Variants in SLC1A6 observed in about 807,000 individuals in gnomAD.
The protein encoded by SLC1A6 is excitatory amino acid transporter 4.
A neutral mutation model predicts 42.1 loss-of-function variants in SLC1A6; 15 were observed. The observed-to-expected ratio is 0.36, with a 90% CI of 0.24 to 0.55. The LOEUF (loss-of-function observed/expected upper bound fraction) is 0.55. Among genes scored for constraint, SLC1A6 ranks in the 20% least tolerant of loss-of-function variants. The pLI is 0.88. For missense variants in SLC1A6, 542 were observed against 772.5 expected, an observed-to-expected ratio of 0.70 and a Z score of 3.54; for synonymous variants, 317 against 319.7, an observed-to-expected ratio of 0.99 and a Z score of 0.09.
intron 1 of SLC1A6, among the ~76,000 whole-genome samples, chr19:14,997,544 A>G (rs1600036877): frequency 6.6e-6 from 1 of 152,138 alleles, no homozygotes; most frequent in South Asian, 2.1e-4. Flanking sequence ...GGAAACCAGG[A>G]TATTAGAAGA....
intron 7 of SLC1A6, 32 bp downstream of exon 7, chr19:14,956,444 G>A (rs907818374): frequency 7.0e-7 from 1 of 1,425,996 alleles, no homozygotes; most frequent in Non-Finnish European, 9.5e-7. Context: ...GTGCAACCAG[G>A]AATGGTGCTG....
chr19:15,001,979 C>T (rs999696128), intron 1 of SLC1A6, among the ~76,000 whole-genome samples: 9 of 151,948 alleles, frequency 5.9e-5, no homozygotes, highest in Non-Finnish European at 1.3e-4. Context: ...ACTATTAATA[C>T]CCAAATTCAC....
At chr19:15,008,572 A>G (rs1428275957) in intron 1 of SLC1A6, among the ~76,000 whole-genome samples, 2 of 152,134 alleles carry the variant, frequency 1.3e-5, no homozygotes, top group East Asian at 1.9e-4. Context: ...TACCTAAAGG[A>G]AGAGAAATCA....
At chr19:14,966,975 C>T (rs1253434441) in intron 4 of SLC1A6, among the ~76,000 whole-genome samples, 1 of 152,092 alleles carries the variant, frequency 6.6e-6, no homozygotes, top group Admixed American at 6.6e-5. Flanking sequence ...TGCAAACCAC[C>T]ATGGCGCATG....
upstream of SLC1A6, among the ~76,000 whole-genome samples, chr19:14,980,511 G>A (rs1351672024): frequency 6.6e-6 from 1 of 152,102 alleles, no homozygotes; most frequent in African/African-American, 2.4e-5. Flanking sequence ...CTCAGTGCAG[G>A]CTGGGCACGG....
At chr19:14,984,799 A>G (rs1047292841), upstream of SLC1A6, among the ~76,000 whole-genome samples, 8 of 152,252 alleles carry the variant, frequency 5.3e-5, no homozygotes, top group Non-Finnish European at 1.2e-4. Flanking sequence ...CACTGATCTC[A>G]TGGAAAGTTT....
intron 9 of SLC1A6, among the ~76,000 whole-genome samples, chr19:14,950,689 A>G (rs1420986853): frequency 6.6e-6 from 1 of 152,150 alleles, no homozygotes; most frequent in Non-Finnish European, 1.5e-5. Context: ...ATATGATCCC[A>G]GCACTTTGGG....
chr19:14,985,460 C>G (rs2045788448), intron 1 of SLC1A6, among the ~76,000 whole-genome samples: 2 of 152,098 alleles, frequency 1.3e-5, no homozygotes, highest in Non-Finnish European at 2.9e-5. Flanking sequence ...TTTAAAAGAG[C>G]CTGACACCTC....
chr19:14,952,422 G>T (rs1159788017), intron 9 of SLC1A6, among the ~76,000 whole-genome samples: 1 of 151,342 alleles, frequency 6.6e-6, no homozygotes, highest in Non-Finnish European at 1.5e-5. Flanking sequence ...CAGGCATGGT[G>T]GCGGGCGCCT....
intron 1 of SLC1A6, among the ~76,000 whole-genome samples, chr19:15,000,390 T>G (rs1479826214): frequency 2.0e-5 from 3 of 152,236 alleles, no homozygotes; most frequent in Non-Finnish European, 4.4e-5. Flanking sequence ...AATCCTAGCC[T>G]CTGGCAACCA....
chr19:14,968,213 G>A, intron 4 of SLC1A6, 90 bp downstream of exon 4: 2 of 1,078,764 alleles, frequency 1.9e-6, no homozygotes, highest in Non-Finnish European at 2.7e-6. Flanking sequence ...CCCAGCCTGT[G>A]GGATGACCTC....
intron 9 of SLC1A6, among the ~76,000 whole-genome samples, 174 bp downstream of exon 9, chr19:14,952,754 G>A (rs11671748): frequency 0.73 from 110,023 of 151,688 alleles, 40,366 homozygotes; most frequent in African/African-American, 0.84. Context: ...ATAACTGTGG[G>A]ATTTGGGGTC....
intron 6 of SLC1A6, chr19:14,961,256 C>G (rs1279001544): frequency 6.6e-6 from 1 of 152,120 alleles, no homozygotes; most frequent in Admixed American, 6.6e-5. Context: ...GAGGTAACGT[C>G]TATGTTAGTT....
At chr19:14,959,190 C>T (rs1041375824) in intron 6 of SLC1A6, among the ~76,000 whole-genome samples, 3 of 152,214 alleles carry the variant, frequency 2.0e-5, no homozygotes, top group African/African-American at 7.2e-5. Flanking sequence ...AGCCTATACC[C>T]CTTCCTTATT....
chr19:15,006,989 A>G (rs542744799), intron 1 of SLC1A6, among the ~76,000 whole-genome samples: 2 of 152,144 alleles, frequency 1.3e-5, no homozygotes, highest in South Asian at 4.2e-4. Flanking sequence ...ACATGTATTG[A>G]TTCTTCCACT....
rs760556400 is a variant in SLC1A6 at position 14,962,223 on chromosome 19, T to C, written c.714A>G (p.Glu238=). 20 of 1,614,026 alleles carry C rather than the reference T, an allele frequency of 1.2e-5. No individual in the cohort carries two copies. The African/African-American group carries it at 2.5e-4, about 20-fold the overall frequency. ...FSVENGTSFL[E]NVTRALGTLQ... is the part of the protein sequence containing the mutation. ...GGGTACCCAAGGCCCGAGTGACATT[T>C]TCCAGGAAGCTGGTTCCGTTCTCCA... The change falls in exon 6 of 10, where the codon GAA becomes GAG. Residue 238 remains glutamate (E), a synonymous_variant. Coordinates refer to ENST00000594383, the MANE Select transcript of SLC1A6 (RefSeq NM_005071.3).
chr19:14,961,933 G>C, intron 6 of SLC1A6, 69 bp downstream of exon 6: 2 of 1,528,908 alleles, frequency 1.3e-6, no homozygotes, highest in Non-Finnish European at 1.8e-6. Context: ...CAAGCCCTTC[G>C]GCAGCTTCCC....
chr19:14,974,333 G>A (rs1300682909), intron 1 of SLC1A6: 2 of 152,076 alleles, frequency 1.3e-5, no homozygotes, highest in East Asian at 3.9e-4. Context: ...CTCCAGCCTG[G>A]ACGACAGAGT....
rs146956193 is a variant in SLC1A6, at chr19:14,961,127, A to C, written c.935+875T>G. Among the ~76,000 whole-genome samples the C allele has an allele frequency of 5.5e-3, 838 of 151,894 alleles. 8 individuals carry two copies. Among genetic ancestry groups the C allele is most frequent in the Middle Eastern group, 0.014 (4 of 292 alleles). Reference sequence around the variant, plus strand: ...TTGTCATGTTGCCCAGGCTGGTCTCAAATTCCTGGGCTCAAGTGATTCTCC... The same window carrying C: ...TTGTCATGTTGCCCAGGCTGGTCTCCAATTCCTGGGCTCAAGTGATTCTCC... On this transcript the variant is annotated intron_variant, in intron 6 of 9. Coordinates refer to ENST00000594383, the MANE Select transcript of SLC1A6 (RefSeq NM_005071.3).
Sources: allele counts gnomAD v4.1 joint callset (sites outside exome capture counted in the v4.1 genomes callset), GRCh38; gene constraint gnomAD v4.1.1; transcripts MANE v1.5; gene names NCBI Gene and HGNC (gene_info 2026-07-23, HGNC 2026-07-21).